PHTF2: variants seen among roughly 807,000 people sequenced by gnomAD.
PHTF2 encodes protein PHTF2.
A neutral mutation model predicts 101.2 loss-of-function variants in PHTF2; 60 were observed. That is an observed-to-expected ratio of 0.59 (90% CI 0.48 to 0.73). The LOEUF (loss-of-function observed/expected upper bound fraction) is 0.73. Ranked by LOEUF, PHTF2 falls within the 30% of genes least tolerant of loss-of-function variation. The probability of loss-of-function intolerance (pLI) is 0.00; values close to 1 mark genes in which losing one functional copy is unlikely to be tolerated. For synonymous variants in PHTF2, 311 were observed against 307.3 expected, an observed-to-expected ratio of 1.01 and a Z score of -0.13; for missense variants, 747 against 908.7, an observed-to-expected ratio of 0.82 and a Z score of 2.29.
chr7:77,873,413 C>T (rs1304985064), intron 3 of PHTF2, among the ~76,000 whole-genome samples: 2 of 152,280 alleles, frequency 1.3e-5, no homozygotes, highest in African/African-American at 2.4e-5. Context: ...TCAAGCAGTT[C>T]TTTTTGAGTT....
intron 11 of PHTF2, among the ~76,000 whole-genome samples, chr7:77,924,781 G>A (rs1487675874): frequency 2.0e-5 from 3 of 152,162 alleles, no homozygotes; most frequent in African/African-American, 7.2e-5. Context: ...GTGGGATGGG[G>A]GTAGTAGATA....
chr7:77,936,913 G>A (rs1169493024), intron 12 of PHTF2, among the ~76,000 whole-genome samples: 2 of 151,846 alleles, frequency 1.3e-5, no homozygotes, highest in African/African-American at 4.8e-5. Flanking sequence ...GGGAGGTAGA[G>A]GCCGGTGGAT....
intron 18 of PHTF2, among the ~76,000 whole-genome samples, chr7:77,953,154 G>A (rs1413471728): frequency 6.6e-6 from 1 of 152,136 alleles, no homozygotes; most frequent in Non-Finnish European, 1.5e-5. Context: ...AGTTTCAGGA[G>A]CACCTTCCTC....
intron 2 of PHTF2, among the ~76,000 whole-genome samples, chr7:77,850,582 C>T (rs1360209572): frequency 6.9e-6 from 1 of 144,820 alleles, no homozygotes; most frequent in African/African-American, 2.6e-5. Flanking sequence ...ATTGAGGCTG[C>T]AGTGGGCCAT....
intron 2 of PHTF2, among the ~76,000 whole-genome samples, chr7:77,844,630 T>G (rs1477080506): frequency 1.3e-5 from 2 of 152,240 alleles, no homozygotes; most frequent in African/African-American, 2.4e-5. Flanking sequence ...GTTCAAGCAA[T>G]TCTCCTGCCT....
intron 5 of PHTF2, 168 bp from the exon 5 acceptor site, chr7:77,900,543 T>C (rs1327723277): frequency 1.7e-6 from 1 of 579,630 alleles, no homozygotes; most frequent in East Asian, 3.0e-5. Flanking sequence ...TAATAAAATT[T>C]ATTACAATAC....
chr7:77,821,450 C>G (rs1794284120), intron 1 of PHTF2, among the ~76,000 whole-genome samples: 1 of 152,002 alleles, frequency 6.6e-6, no homozygotes. Flanking sequence ...TTCTCTTCTG[C>G]TTGGCTGGCC....
In PHTF2 at chr7:77,826,597, A is replaced by G. The variant is rs185125525; in HGVS notation, c.-35-13624A>G. Among the ~76,000 whole-genome samples, 5 of 152,324 alleles carry G rather than the reference A, an allele frequency of 3.3e-5. No individual in the cohort carries two copies. The East Asian group carries it at 9.6e-4, about 29-fold the overall frequency. On this transcript the variant is annotated intron_variant, in intron 1 of 19. Coordinates refer to ENST00000416283, the Ensembl canonical transcript of PHTF2. ...GAAAAGGGAGAAGAGAAAGAAAAAA[A>G]GTGCTTTTCCCAACTACAAGTACTA...
chr7:77,802,005 A>G (rs527372756), intron 1 of PHTF2, among the ~76,000 whole-genome samples: 1 of 152,378 alleles, frequency 6.6e-6, no homozygotes, highest in South Asian at 2.1e-4. Flanking sequence ...AGCAGTGAAT[A>G]CAAAAGAAAC....
intron 17 of PHTF2, among the ~76,000 whole-genome samples, chr7:77,951,357 C>T (rs1008999465): frequency 3.3e-5 from 5 of 151,884 alleles, no homozygotes; most frequent in Admixed American, 6.6e-5. Flanking sequence ...GATTTGGCTC[C>T]GATAATAAAG....
chr7:77,953,548 G>T (rs1348477857), intron 18 of PHTF2, among the ~76,000 whole-genome samples: 1 of 152,144 alleles, frequency 6.6e-6, no homozygotes, highest in African/African-American at 2.4e-5. Context: ...TACATATTTA[G>T]TCACAGAGTT....
intron 11 of PHTF2, chr7:77,923,126 G>A: frequency 5.0e-6 from 5 of 994,752 alleles, no homozygotes; most frequent in Non-Finnish European, 6.0e-6. Context: ...TCATAGCAAA[G>A]TTATTTTAAG....
At position 77,819,516 on chromosome 7, in the gene PHTF2, T is replaced by C. The variant is rs550883964; in HGVS notation, c.-36+20545T>C. ...CATATGGTTTTTGTCTTTTATTCTA[T>C]TGGTGTGATGTATGATGTTTATTGA... On this transcript the variant is annotated intron_variant, in intron 1 of 19. Coordinates refer to ENST00000416283, the Ensembl canonical transcript of PHTF2. Among the ~76,000 whole-genome samples, 3 of 152,344 alleles carry C rather than the reference T, an allele frequency of 2.0e-5. No homozygotes were observed. The South Asian group carries it at 6.2e-4, about 32-fold the overall frequency.
At chr7:77,956,138 T>C (rs1424512205) in exon 20 of PHTF2, 1 of 152,590 alleles carries the variant, frequency 6.6e-6, no homozygotes, top group Non-Finnish European at 1.5e-5. Flanking sequence ...ACATGAAACA[T>C]GAAACAGTTT....
At chr7:77,882,300 A>G (rs978215098) in intron 3 of PHTF2, among the ~76,000 whole-genome samples, 5 of 152,124 alleles carry the variant, frequency 3.3e-5, no homozygotes, top group African/African-American at 1.2e-4. Flanking sequence ...AATTCTAGAA[A>G]TCTGTTTTCT....
At chr7:77,922,017 C>CTTTTTTT (rs35763664) in intron 10 of PHTF2, among the ~76,000 whole-genome samples, 13 of 95,278 alleles carry the variant, frequency 1.4e-4, no homozygotes, top group Non-Finnish European at 2.0e-4. Flanking sequence ...GTTTATATTC[C>CTTTTTTT]TTTTTTTTTT....
At chr7:77,826,074 A>G (rs896818508) in intron 1 of PHTF2, among the ~76,000 whole-genome samples, 3 of 152,248 alleles carry the variant, frequency 2.0e-5, no homozygotes, top group Admixed American at 2.0e-4. Flanking sequence ...AGTAGTTTTT[A>G]ACTTCAAAAC....
intron 16 of PHTF2, among the ~76,000 whole-genome samples, chr7:77,947,050 G>A (rs1478437006): frequency 6.6e-6 from 1 of 151,930 alleles, no homozygotes; most frequent in Non-Finnish European, 1.5e-5. Context: ...AGCCTTGGGA[G>A]GTCAAGGCTG....
chr7:77,932,755 A>G (rs768312477), intron 12 of PHTF2, among the ~76,000 whole-genome samples: 20 of 152,082 alleles, frequency 1.3e-4, no homozygotes, highest in Admixed American at 1.3e-4. Context: ...TGCCTATTCT[A>G]CACAGCTATG....
Sources: allele counts gnomAD v4.1 joint callset (sites outside exome capture counted in the v4.1 genomes callset), GRCh38; gene constraint gnomAD v4.1.1; transcripts MANE v1.5; gene names NCBI Gene and HGNC (gene_info 2026-07-23, HGNC 2026-07-21).